Variants in USP12 observed in about 807,000 individuals in gnomAD.
USP12 encodes the protein ubiquitin specific peptidase 12, also known as ubiquitin carboxyl-terminal hydrolase 12.
Under a neutral mutation model 45.5 loss-of-function variants are expected in USP12, and 19 were observed. The observed-to-expected ratio is 0.42, with a 90% CI of 0.29 to 0.61. The LOEUF is 0.61. USP12 is among the 20% of genes least tolerant of loss of function. The probability of loss-of-function intolerance (pLI) is 0.22; values close to 1 mark genes in which losing one functional copy is unlikely to be tolerated. For missense variants in USP12, 242 were observed against 447.7 expected, an observed-to-expected ratio of 0.54 and a Z score of 4.15; for synonymous variants, 149 against 148.8, an observed-to-expected ratio of 1.00 and a Z score of -0.01.
At chr13:27,145,145 C>T (rs112160958) in intron 1 of USP12, among the ~76,000 whole-genome samples, 16 of 152,302 alleles carry the variant, frequency 1.1e-4, no homozygotes, top group African/African-American at 3.4e-4. Flanking sequence ...ACTGAACCTC[C>T]TCCTTTCCTT....
At chr13:27,147,762 GA>G (rs975121944) in intron 1 of USP12, among the ~76,000 whole-genome samples, 11 of 148,622 alleles carry the variant, frequency 7.4e-5, no homozygotes, top group African/African-American at 2.2e-4. Context: ...TCAAAGAAAG[GA>G]AAAAAAAAAT....
chr13:27,089,752 A>G lies in USP12; in HGVS notation c.734+131T>C, dbSNP rs1026260525. On this transcript the variant is annotated intron_variant, in intron 6 of 8. Coordinates refer to ENST00000282344, the MANE Select transcript of USP12 (RefSeq NM_182488.4). ...ATTTACCTAGTAATACTTAATGAAC[A>G]TTAACTGTTAGTGATAGAATTAAGA... 3.3e-5 allele frequency: 27 copies of G among 812,610 alleles called. No individual in the cohort carries two copies. In the African/African-American group the frequency reaches 4.5e-4, roughly 14 times the overall value. 50.3% of individuals were successfully genotyped at this position (812,610 alleles called of 1,614,324 possible).
chr13:27,093,656 T>C (rs1426613205), intron 4 of USP12, among the ~76,000 whole-genome samples: 1 of 152,218 alleles, frequency 6.6e-6, no homozygotes, highest in Admixed American at 6.5e-5. Context: ...TACAATCCAG[T>C]GATCCTGCTC....
rs142710874 is a variant in USP12, at chr13:27,146,432, G to C, written c.48+25160C>G. On this transcript the variant is annotated intron_variant, in intron 1 of 8. Transcript: ENST00000282344. ...AAAGCACCTATGTAATAACGCACAC[G>C]GCTAAAGGCTAGGGGTATAAGGTAG... Among the ~76,000 whole-genome samples, 3 of 151,650 alleles carry C rather than the reference G, an allele frequency of 2.0e-5. No individual in the cohort carries two copies. In the East Asian group the frequency reaches 5.8e-4, roughly 29 times the overall value.
intron 2 of USP12, among the ~76,000 whole-genome samples, chr13:27,108,134 A>G: frequency 6.6e-6 from 1 of 152,018 alleles, no homozygotes; most frequent in East Asian, 1.9e-4. Context: ...GAACCAACCC[A>G]AATGTCCAAC....
At chr13:27,116,269 G>T (rs139977980) in intron 2 of USP12, among the ~76,000 whole-genome samples, 6,104 of 141,356 alleles carry the variant, frequency 0.043, 154 homozygotes, top group Admixed American at 0.083. Flanking sequence ...CCGAGATCGC[G>T]CCACTGCACT....
chr13:27,138,798 C>T (rs1876926686), intron 1 of USP12, among the ~76,000 whole-genome samples: 1 of 152,106 alleles, frequency 6.6e-6, no homozygotes, highest in Non-Finnish European at 1.5e-5. Context: ...CTATTACTCC[C>T]TTTGAGTTTA....
At chr13:27,127,075 G>A (rs1348332115) in intron 1 of USP12, among the ~76,000 whole-genome samples, 1 of 152,136 alleles carries the variant, frequency 6.6e-6, no homozygotes, top group African/African-American at 2.4e-5. Flanking sequence ...TAAGAGTCTT[G>A]GTCTATACTT....
At chr13:27,116,416 T>C (rs1056394738) in intron 2 of USP12, 100 bp downstream of exon 2, 38 of 1,053,742 alleles carry the variant, frequency 3.6e-5, no homozygotes, top group Non-Finnish European at 1.3e-5. Flanking sequence ...ATTCTATTAA[T>C]AGAAAAGAAC....
intron 6 of USP12, among the ~76,000 whole-genome samples, chr13:27,080,066 G>A (rs1873679891): frequency 6.6e-6 from 1 of 152,162 alleles, no homozygotes; most frequent in South Asian, 2.1e-4. Context: ...TGGGTCACAG[G>A]CACAAATGAG....
At chr13:27,106,870 T>C (rs1875166752) in intron 2 of USP12, among the ~76,000 whole-genome samples, 1 of 152,032 alleles carries the variant, frequency 6.6e-6, no homozygotes, top group Admixed American at 6.6e-5. Flanking sequence ...AAAAAAGAAA[T>C]GTCTAAAATT....
At chr13:27,139,223 T>G (rs1876943834) in intron 1 of USP12, among the ~76,000 whole-genome samples, 1 of 152,256 alleles carries the variant, frequency 6.6e-6, no homozygotes, top group Non-Finnish European at 1.5e-5. Flanking sequence ...ACCCTTCATC[T>G]GAGTAATTAA....
At chr13:27,106,053 G>A in intron 2 of USP12, 109 bp from the exon 3 acceptor site, 2 of 895,140 alleles carry the variant, frequency 2.2e-6, no homozygotes, top group Admixed American at 2.8e-5. Context: ...GGTTACTACT[G>A]TTACTATAAC....
chr13:27,085,794 A>C (rs1300281414), intron 6 of USP12, among the ~76,000 whole-genome samples: 1 of 152,180 alleles, frequency 6.6e-6, no homozygotes, highest in Non-Finnish European at 1.5e-5. Flanking sequence ...ATCACTGTTT[A>C]TAACAGTGTA....
intron 3 of USP12, among the ~76,000 whole-genome samples, chr13:27,098,606 G>A (rs1464785711): frequency 6.6e-6 from 1 of 152,158 alleles, no homozygotes; most frequent in African/African-American, 2.4e-5. Flanking sequence ...GTTGCTGCTG[G>A]GAGTATAAAC....
At chr13:27,087,182 G>A (rs1409601700) in intron 6 of USP12, among the ~76,000 whole-genome samples, 4 of 151,636 alleles carry the variant, frequency 2.6e-5, no homozygotes, top group Non-Finnish European at 4.4e-5. Context: ...GCGGGGGCAG[G>A]AAGGCAGAGA....
intron 2 of USP12, among the ~76,000 whole-genome samples, chr13:27,115,718 T>C (rs1438137849): frequency 1.3e-5 from 2 of 152,178 alleles, no homozygotes; most frequent in African/African-American, 4.8e-5. Flanking sequence ...ATTACTAGAA[T>C]TACCTCCATA....
intron 1 of USP12, chr13:27,117,712 T>C (rs759392087): frequency 1.4e-4 from 73 of 518,032 alleles, no homozygotes; most frequent in Admixed American, 5.6e-4. Context: ...GGATGGACCA[T>C]GGAATTGGGA....
chr13:27,130,766 T>C (rs918160902), intron 1 of USP12, among the ~76,000 whole-genome samples: 2 of 152,204 alleles, frequency 1.3e-5, no homozygotes, highest in African/African-American at 4.8e-5. Flanking sequence ...AGTGAGTCAC[T>C]TGTTGAAATC....
Sources: allele counts gnomAD v4.1 joint callset (sites outside exome capture counted in the v4.1 genomes callset), GRCh38; gene constraint gnomAD v4.1.1; transcripts MANE v1.5; gene names NCBI Gene and HGNC (gene_info 2026-07-23, HGNC 2026-07-21).